Variants in PCGF3 observed in about 807,000 individuals in gnomAD.
PCGF3 encodes the protein polycomb group ring finger 3.
A neutral mutation model predicts 33.1 loss-of-function variants in PCGF3; 7 were observed. That is an observed-to-expected ratio of 0.21 (90% confidence interval 0.12 to 0.40). PCGF3 has a LOEUF of 0.40. Among genes scored for constraint, PCGF3 ranks in the 10% least tolerant of loss-of-function variants. The probability of loss-of-function intolerance (pLI) is 1.00; values close to 1 mark genes in which losing one functional copy is unlikely to be tolerated. For missense variants in PCGF3, 211 were observed against 313.3 expected (o/e 0.67, Z 2.46); for synonymous variants, 153 against 121.3 (o/e 1.26, Z -1.72).
Position 744,698 on chromosome 4 carries a change from GC to G in PCGF3, c.462+13del, listed in dbSNP as rs564712615. On this transcript the variant is annotated intron_variant, in intron 8 of 10. Coordinates refer to ENST00000362003, the Ensembl canonical transcript of PCGF3. The stretch of plus-strand genomic sequence containing the variant: ...CCGCAGCGACGAGCAGGTGGGCGGG[GC>G]CCGGGGGTCGCTGCAGTGTTAGTGT... The G allele has an allele frequency of 6.6e-7, 1 of 1,520,788 alleles. No individual in the cohort carries two copies. Among genetic ancestry groups the G allele is most frequent in the Non-Finnish European group, 8.9e-7 (1 of 1,125,946 alleles). 94.2% of individuals were successfully genotyped at this position (1,520,788 alleles called of 1,614,324 possible).
intron 1 of PCGF3, among the ~76,000 whole-genome samples, chr4:708,437 C>T (rs767447714): frequency 6.6e-6 from 1 of 152,126 alleles, no homozygotes; most frequent in Non-Finnish European, 1.5e-5. Flanking sequence ...GATGCACCTG[C>T]TGTGAAGGCC....
chr4:758,045 G>T (rs1236163086), intron 8 of PCGF3, among the ~76,000 whole-genome samples: 3 of 151,788 alleles, frequency 2.0e-5, no homozygotes, highest in Non-Finnish European at 4.4e-5. Flanking sequence ...GTGCGCGCCT[G>T]TAGTCCCAGC....
At chr4:718,481 CACTT>C (rs1742948862) in intron 1 of PCGF3, among the ~76,000 whole-genome samples, 1 of 152,166 alleles carries the variant, frequency 6.6e-6, no homozygotes, top group Admixed American at 6.5e-5. Flanking sequence ...TTTGTATAAA[CACTT>C]AATTTAAAAA....
chr4:713,381 C>G (rs1287788776), intron 1 of PCGF3, among the ~76,000 whole-genome samples: 1 of 133,430 alleles, frequency 7.5e-6, no homozygotes, highest in Admixed American at 7.7e-5. Context: ...GAGCCGTGGC[C>G]TTGTGGGTCC....
At chr4:736,018 TTTTTCCCTTTTATTATTATTATTTTTC>T (rs1743807198) in intron 5 of PCGF3, among the ~76,000 whole-genome samples, 1 of 152,178 alleles carries the variant, frequency 6.6e-6, no homozygotes, top group Non-Finnish European at 1.5e-5. Context: ...GATGTGTTTG[TTTTTCCCTTTTATTATTATTATTTTTC>T]TTAATTTTAT....
In PCGF3 at chr4:760,640, C is replaced by T. The variant is rs375737007; in HGVS notation, c.463-639C>T. On this transcript the variant is annotated intron_variant, in intron 8 of 10. Transcript: ENST00000362003. ...TTTGTTGCGGCTCCACCTGTAGAAG[C>T]GTTTGCCGTGAGCGTCGCCCTTCCT... is the stretch of plus-strand genomic sequence containing the variant. Among the ~76,000 whole-genome samples the T allele has an allele frequency of 5.3e-5, 8 of 152,242 alleles. No homozygotes were observed. The East Asian group carries it at 1.2e-3, about 22-fold the overall frequency.
chr4:760,077 T>A (rs541593585), intron 8 of PCGF3, among the ~76,000 whole-genome samples: 93 of 152,314 alleles, frequency 6.1e-4, no homozygotes, highest in Middle Eastern at 3.4e-3. Context: ...GTCTCTTGCT[T>A]TTTGCACAGA....
chr4:728,819 G>A (rs1743433462), intron 1 of PCGF3, among the ~76,000 whole-genome samples: 1 of 152,128 alleles, frequency 6.6e-6, no homozygotes, highest in African/African-American at 2.4e-5. Flanking sequence ...CGTTCGGTTG[G>A]CCGGGTGTGG....
intron 3 of PCGF3, chr4:732,321 CCCCTCCCCTTCCCTCCTCCCCT>C (rs1299654901): frequency 6.5e-6 from 1 of 154,162 alleles, no homozygotes; most frequent in East Asian, 2.0e-4. Context: ...TCCCTACCCT[CCCCTCCCCTTCCCTCCTCCCCT>C]CCCTTCCCTT....
At chr4:727,507 T>G (rs1368451846) in intron 1 of PCGF3, among the ~76,000 whole-genome samples, 1 of 152,136 alleles carries the variant, frequency 6.6e-6, no homozygotes, top group African/African-American at 2.4e-5. Flanking sequence ...CTCAAAGTGC[T>G]GGGATTACAA....
At chr4:722,793 G>A (rs1448288799) in intron 1 of PCGF3, among the ~76,000 whole-genome samples, 1 of 53,328 alleles carries the variant, frequency 1.9e-5, no homozygotes, top group Admixed American at 1.8e-4. Context: ...TCGCGTCATC[G>A]CCATCCACGC....
chr4:743,864 T>C, intron 7 of PCGF3: 1 of 307,522 alleles, frequency 3.3e-6, no homozygotes, highest in Non-Finnish European at 6.1e-6. Flanking sequence ...GTGGAAAGAG[T>C]AGTGGAAGGT....
intron 3 of PCGF3, among the ~76,000 whole-genome samples, chr4:733,309 T>G (rs1743694215): frequency 1.3e-5 from 2 of 152,220 alleles, no homozygotes; most frequent in African/African-American, 4.8e-5. Context: ...CTTCGCGGGC[T>G]CCTCCTGCTC....
intron 6 of PCGF3, among the ~76,000 whole-genome samples, 198 bp downstream of exon 6, chr4:737,719 A>T (rs1341734403): frequency 6.6e-6 from 1 of 151,940 alleles, no homozygotes; most frequent in Non-Finnish European, 1.5e-5. Flanking sequence ...ACATCTTTTT[A>T]CCCCTTATGT....
intron 1 of PCGF3, among the ~76,000 whole-genome samples, chr4:722,892 A>G (rs1296221190): frequency 1.3e-5 from 1 of 77,612 alleles, no homozygotes. Context: ...CGTCATCGCC[A>G]TCCACGCCGG....
chr4:714,159 C>A (rs1742702620), intron 1 of PCGF3, among the ~76,000 whole-genome samples: 1 of 152,072 alleles, frequency 6.6e-6, no homozygotes, highest in African/African-American at 2.4e-5. Context: ...GGACTCTGAC[C>A]CCACCAGCCC....
intron 1 of PCGF3, among the ~76,000 whole-genome samples, chr4:709,985 C>G (rs546907333): frequency 5.3e-5 from 8 of 152,284 alleles, no homozygotes; most frequent in Non-Finnish European, 8.8e-5. Flanking sequence ...GCTTGTGAAG[C>G]TGAGTGTTCA....
chr4:716,254 C>T (rs1410317575), intron 1 of PCGF3, among the ~76,000 whole-genome samples: 1 of 125,674 alleles, frequency 8.0e-6, no homozygotes, highest in Non-Finnish European at 1.7e-5. Flanking sequence ...AGTGTGAGAA[C>T]TGGGCGTCGG....
chr4:736,728 G>C (rs574862758), intron 5 of PCGF3, among the ~76,000 whole-genome samples: 1 of 150,794 alleles, frequency 6.6e-6, no homozygotes, highest in South Asian at 2.1e-4. Flanking sequence ...TGTCCCCTGA[G>C]CGCACGGGAC....
Sources: allele counts gnomAD v4.1 joint callset (sites outside exome capture counted in the v4.1 genomes callset), GRCh38; gene constraint gnomAD v4.1.1; transcripts MANE v1.5; gene names NCBI Gene and HGNC (gene_info 2026-07-23, HGNC 2026-07-21).